Variants in PHACTR1 observed in about 807,000 individuals in gnomAD.
PHACTR1 encodes phosphatase and actin regulator 1, also known as RPEL repeat containing 1.
Under a neutral mutation model 69.2 loss-of-function variants are expected in PHACTR1, and 16 were observed. The observed-to-expected ratio is 0.23, with a 90% CI of 0.16 to 0.35. The LOEUF is 0.35. Among genes scored for constraint, PHACTR1 ranks in the 10% least tolerant of loss-of-function variants. PHACTR1 has a pLI of 1.00. For synonymous variants in PHACTR1, 312 were observed against 284.5 expected, an observed-to-expected ratio of 1.10 and a Z score of -0.97; for missense variants, 510 against 734.7, an observed-to-expected ratio of 0.69 and a Z score of 3.54.
At chr6:12,887,170 TG>T (rs1783723590) in intron 4 of PHACTR1, among the ~76,000 whole-genome samples, 1 of 152,156 alleles carries the variant, frequency 6.6e-6, no homozygotes, top group Non-Finnish European at 1.5e-5. Flanking sequence ...CTCCCAAGTT[TG>T]GGAGAATCAA....
chr6:12,934,097 C>A, intron 4 of PHACTR1: 1 of 976,970 alleles, frequency 1.0e-6, no homozygotes, highest in Non-Finnish European at 1.4e-6. Context: ...AGGGAAGAAC[C>A]TTCTTGTGTC....
At chr6:13,164,457 G>A (rs1031319909) in intron 6 of PHACTR1, among the ~76,000 whole-genome samples, 4 of 152,102 alleles carry the variant, frequency 2.6e-5, no homozygotes, top group African/African-American at 9.7e-5. Context: ...TTCCACCAGC[G>A]ATGCATGGAC....
intron 4 of PHACTR1, among the ~76,000 whole-genome samples, chr6:12,768,365 C>T (rs1045566636): frequency 2.0e-5 from 3 of 152,148 alleles, no homozygotes; most frequent in Admixed American, 1.3e-4. Context: ...CCGCCCTCCT[C>T]GGCCTCCCAA....
chr6:13,063,041 AGAG>A (rs1807925100), intron 5 of PHACTR1, among the ~76,000 whole-genome samples: 1 of 152,198 alleles, frequency 6.6e-6, no homozygotes, highest in African/African-American at 2.4e-5. Flanking sequence ...TCATTCTAAC[AGAG>A]TAATATAGTC....
At chr6:12,801,492 A>G (rs2127677619) in intron 4 of PHACTR1, among the ~76,000 whole-genome samples, 1 of 152,356 alleles carries the variant, frequency 6.6e-6, no homozygotes, top group East Asian at 1.9e-4. Flanking sequence ...GGGTTCACAC[A>G]TAAGAATAAA....
At chr6:13,080,338 T>G (rs9473436) in intron 5 of PHACTR1, among the ~76,000 whole-genome samples, 44,829 of 152,070 alleles carry the variant, frequency 0.29, 7,827 homozygotes, top group African/African-American at 0.47. Flanking sequence ...TAGAGTCTTG[T>G]TGAGCATGAA....
chr6:13,130,996 G>T (rs947096770), intron 5 of PHACTR1, among the ~76,000 whole-genome samples: 2 of 151,980 alleles, frequency 1.3e-5, no homozygotes, highest in Non-Finnish European at 2.9e-5. Context: ...TGTGAGGTTG[G>T]TTTAACATAT....
At position 12,987,005 on chromosome 6, in the gene PHACTR1, A is replaced by C. The variant is rs10948377; in HGVS notation, c.251-66360A>C. Reference sequence around the variant, plus strand: ...CTTTATATAAGACTGTCATCTGTGCATTTTTTACAATAGGAATGTACTGTA... The same window carrying C: ...CTTTATATAAGACTGTCATCTGTGCCTTTTTTACAATAGGAATGTACTGTA... On this transcript the variant is annotated intron_variant, in intron 4 of 14. Coordinates refer to ENST00000332995, the MANE Select transcript of PHACTR1 (RefSeq NM_030948.6). 1.3e-3 allele frequency among the ~76,000 whole-genome samples: 205 copies of C among 152,158 alleles called. 1 individual carries two copies. The South Asian group carries it at 0.019, about 14-fold the overall frequency.
chr6:12,845,001 T>C (rs1258128423), intron 4 of PHACTR1, among the ~76,000 whole-genome samples: 2 of 152,324 alleles, frequency 1.3e-5, no homozygotes, highest in East Asian at 3.9e-4. Context: ...CCACCTATTA[T>C]GTTTCCCTTC....
chr6:13,244,124 G>A (rs571549899), intron 10 of PHACTR1, among the ~76,000 whole-genome samples: 2 of 152,244 alleles, frequency 1.3e-5, no homozygotes, highest in East Asian at 3.9e-4. Context: ...TTAAAGCTGG[G>A]CGTCCGGGGG....
At chr6:12,767,293 A>G (rs1768752792) in intron 4 of PHACTR1, among the ~76,000 whole-genome samples, 4 of 152,258 alleles carry the variant, frequency 2.6e-5, no homozygotes, top group Admixed American at 2.0e-4. Context: ...ACAACTGTTC[A>G]GAATTCCCCC....
chr6:13,092,102 C>T (rs778906104), intron 5 of PHACTR1, among the ~76,000 whole-genome samples: 4 of 152,130 alleles, frequency 2.6e-5, no homozygotes, highest in Non-Finnish European at 4.4e-5. Context: ...CCAGCTGGTT[C>T]GAACTTCTAT....
chr6:12,825,252 G>A (rs1320939101), intron 4 of PHACTR1, among the ~76,000 whole-genome samples: 1 of 151,876 alleles, frequency 6.6e-6, no homozygotes, highest in Non-Finnish European at 1.5e-5. Flanking sequence ...GTTCAAGGCT[G>A]CAGAGGGCTA....
chr6:12,782,228 G>A (rs1047856228), intron 4 of PHACTR1, among the ~76,000 whole-genome samples: 3 of 152,178 alleles, frequency 2.0e-5, no homozygotes, highest in African/African-American at 7.2e-5. Flanking sequence ...GCAGTCAGGT[G>A]CCGCTTCTTG....
intron 8 of PHACTR1, among the ~76,000 whole-genome samples, chr6:13,227,111 C>T (rs1441923077): frequency 6.6e-6 from 1 of 152,178 alleles, no homozygotes; most frequent in Non-Finnish European, 1.5e-5. Context: ...AAACATCATC[C>T]TCGATGCCTC....
intron 4 of PHACTR1, among the ~76,000 whole-genome samples, chr6:12,980,557 G>A (rs1306980936): frequency 6.6e-6 from 1 of 151,984 alleles, no homozygotes; most frequent in African/African-American, 2.4e-5. Context: ...GGAGAGTTAG[G>A]GGTTAAAATT....
At chr6:12,801,904 G>A (rs1026693441) in intron 4 of PHACTR1, among the ~76,000 whole-genome samples, 10 of 152,032 alleles carry the variant, frequency 6.6e-5, no homozygotes, top group African/African-American at 2.4e-4. Context: ...TTAGGTTTCC[G>A]AGGAGTGACT....
At chr6:12,891,856 G>A (rs1279507021) in intron 4 of PHACTR1, among the ~76,000 whole-genome samples, 2 of 152,164 alleles carry the variant, frequency 1.3e-5, no homozygotes, top group Non-Finnish European at 2.9e-5. Context: ...GTAACTCTCA[G>A]CAAGTCTTTT....
intron 4 of PHACTR1, among the ~76,000 whole-genome samples, chr6:12,927,322 A>G (rs1473268931): frequency 6.6e-6 from 1 of 152,218 alleles, no homozygotes; most frequent in Non-Finnish European, 1.5e-5. Context: ...CTTTGGGGCT[A>G]GGTCTTCTTT....
Sources: allele counts gnomAD v4.1 joint callset (sites outside exome capture counted in the v4.1 genomes callset), GRCh38; gene constraint gnomAD v4.1.1; transcripts MANE v1.5; gene names NCBI Gene and HGNC (gene_info 2026-07-23, HGNC 2026-07-21).